FREM2: variants seen among roughly 807,000 people sequenced by gnomAD.
The protein encoded by FREM2 is FRAS1-related extracellular matrix protein 2.
A neutral mutation model predicts 219.9 loss-of-function variants in FREM2; 119 were observed. That is an observed-to-expected ratio of 0.54 (90% CI 0.47 to 0.63). The LOEUF (loss-of-function observed/expected upper bound fraction) is 0.63, where lower values mean the gene tolerates loss of function less well. FREM2 is among the 30% of genes least tolerant of loss of function. The pLI, the probability that FREM2 is intolerant of heterozygous loss-of-function variation, is 0.00. For missense variants in FREM2, 4,030 were observed against 3,993.6 expected, an observed-to-expected ratio of 1.01 and a Z score of -0.25; for synonymous variants, 1,562 against 1,522.8, an observed-to-expected ratio of 1.03 and a Z score of -0.60.
At chr13:38,814,173 T>C (rs769978074) in intron 6 of FREM2, among the ~76,000 whole-genome samples, 23 of 152,206 alleles carry the variant, frequency 1.5e-4, no homozygotes, top group Non-Finnish European at 3.2e-4. Flanking sequence ...TACATCTCTG[T>C]TTCTCCAGGA....
intron 2 of FREM2, among the ~76,000 whole-genome samples, chr13:38,731,573 T>A (rs926756862): frequency 1.3e-5 from 2 of 152,114 alleles, no homozygotes; most frequent in Admixed American, 6.6e-5. Flanking sequence ...CTGGGACAGC[T>A]CTAGAAAAGT....
At chr13:38,834,036 T>C (rs1876614069) in intron 6 of FREM2, among the ~76,000 whole-genome samples, 1 of 152,186 alleles carries the variant, frequency 6.6e-6, no homozygotes, top group South Asian at 2.1e-4. Context: ...TTTTAAATTA[T>C]ACTTTAAGTT....
intron 21 of FREM2, 29 bp downstream of exon 21, chr13:38,877,272 CTGTT>C: frequency 6.2e-7 from 1 of 1,611,360 alleles, no homozygotes; most frequent in Non-Finnish European, 8.5e-7. Flanking sequence ...GAGGGATGCT[CTGTT>C]TGTCATGTAT....
chr13:38,856,045 TAAAAA>T (rs34182165), intron 11 of FREM2, 76 bp from the exon 12 acceptor site: 1,722 of 599,336 alleles, frequency 2.9e-3, no homozygotes, highest in Admixed American at 4.4e-3. Context: ...TAGGCCACAG[TAAAAA>T]AAAAAAAAAA....
Position 38,688,796 on chromosome 13 carries a change from G to A in FREM2, c.1452G>A (p.Val484=). The A allele has an allele frequency of 6.2e-7, 1 of 1,614,048 alleles. No individual in the cohort carries two copies. ...TAGAAGCAGTGCGGCTAGAGGTGGT[G>A]GCTGGGCTCCGGCATGGTCACCTTG... ...DDLEAVRLEV[V]AGLRHGHLVI... Residue 484 remains valine (V), a synonymous_variant, in exon 1 of 24, where the codon GTG becomes GTA. Coordinates refer to ENST00000280481, the MANE Select transcript of FREM2 (RefSeq NM_207361.6).
chr13:38,884,823 A>C lies in FREM2; in HGVS notation c.*4036A>C, dbSNP rs1269581352. On this transcript the variant is annotated 3_prime_UTR_variant, in exon 24 of 24. Coordinates refer to ENST00000280481, the MANE Select transcript of FREM2 (RefSeq NM_207361.6). ...ACCAAACATCTCATTTCTAGGAAAGAGATAACACTAAAGGCATCATAGGTT... is the reference window on the plus strand; with the variant it reads ...ACCAAACATCTCATTTCTAGGAAAGCGATAACACTAAAGGCATCATAGGTT... 1 of 152,208 alleles carries C rather than the reference A, an allele frequency of 6.6e-6. No individual in the cohort carries two copies. The highest frequency in any genetic ancestry group is 1.5e-5 in the Non-Finnish European group (1 of 68,028). The allele number at this position is 152,208 out of a possible 1,614,324, so 9.4% of individuals were successfully genotyped here.
rs1235700998 is a variant in FREM2 at position 38,886,785 on chromosome 13, A to T, written c.*5998A>T. 6.6e-6 allele frequency: 1 copy of T among 152,176 alleles called. No homozygotes were observed. Among genetic ancestry groups the T allele is most frequent in the Non-Finnish European group, 1.5e-5 (1 of 68,034 alleles). 9.4% of individuals were successfully genotyped at this position (152,176 alleles called of 1,614,324 possible). A position where few individuals can be genotyped will look rare whatever the true frequency, so the allele number is the denominator to read the frequency against. On this transcript the variant is annotated 3_prime_UTR_variant, in exon 24 of 24. Transcript: ENST00000280481. ...TGTATTACGTGCCTGCTTCCTTACC[A>T]AGTGCCCTCCATAACACTAAGTAAA... is the stretch of plus-strand genomic sequence containing the variant.
intron 6 of FREM2, among the ~76,000 whole-genome samples, chr13:38,841,733 C>G (rs1487271996): frequency 6.6e-6 from 1 of 152,066 alleles, no homozygotes; most frequent in Non-Finnish European, 1.5e-5. Flanking sequence ...TAAGAGTGTC[C>G]TCTTCTGACT....
intron 16 of FREM2, among the ~76,000 whole-genome samples, chr13:38,865,096 T>C (rs1174738716): frequency 6.6e-6 from 1 of 152,218 alleles, no homozygotes; most frequent in Non-Finnish European, 1.5e-5. Context: ...GCCTCCTGTT[T>C]TACTCTCCTT....
chr13:38,726,444 C>T (rs957510811), intron 2 of FREM2, among the ~76,000 whole-genome samples: 9 of 152,120 alleles, frequency 5.9e-5, no homozygotes, highest in African/African-American at 1.4e-4. Context: ...AAGAGCAGTT[C>T]CCCTTGAGTC....
At chr13:38,709,001 C>G (rs1456345229) in intron 2 of FREM2, among the ~76,000 whole-genome samples, 1 of 152,124 alleles carries the variant, frequency 6.6e-6, no homozygotes, top group Non-Finnish European at 1.5e-5. Context: ...CTCAGGTGAT[C>G]CACCTGCGTT....
chr13:38,812,258 A>G (rs987120141), intron 6 of FREM2, among the ~76,000 whole-genome samples: 3 of 151,928 alleles, frequency 2.0e-5, no homozygotes, highest in African/African-American at 7.3e-5. Context: ...CAGCCAGTCT[A>G]TGTCTTTTTA....
intron 2 of FREM2, among the ~76,000 whole-genome samples, chr13:38,722,332 T>C (rs1401115299): frequency 2.6e-5 from 4 of 152,064 alleles, no homozygotes; most frequent in African/African-American, 9.7e-5. Context: ...AGTGCTGGGA[T>C]TATAGGCATG....
chr13:38,760,750 T>C (rs1873195180), intron 2 of FREM2, among the ~76,000 whole-genome samples: 1 of 152,148 alleles, frequency 6.6e-6, no homozygotes, highest in African/African-American at 2.4e-5. Flanking sequence ...ATTGATGCAA[T>C]AGATGTTTTT....
intron 2 of FREM2, among the ~76,000 whole-genome samples, chr13:38,728,601 T>C (rs1262868027): frequency 6.6e-6 from 1 of 151,972 alleles, no homozygotes; most frequent in Non-Finnish European, 1.5e-5. Flanking sequence ...TTTGTAGAGA[T>C]GGTGTTTCAC....
chr13:38,824,149 A>G (rs1876179409), intron 6 of FREM2, among the ~76,000 whole-genome samples: 1 of 151,944 alleles, frequency 6.6e-6, no homozygotes, highest in African/African-American at 2.4e-5. Flanking sequence ...TGGGAAAGAT[A>G]TGTTATGATG....
chr13:38,872,483 A>G (rs1201811195), intron 16 of FREM2, among the ~76,000 whole-genome samples: 1 of 152,216 alleles, frequency 6.6e-6, no homozygotes, highest in Non-Finnish European at 1.5e-5. Context: ...TTTTGTAAGT[A>G]TAGTATGCTC....
chr13:38,837,765 G>GTTTTTTTTTTT (rs151057502), intron 6 of FREM2, among the ~76,000 whole-genome samples: 2 of 140,448 alleles, frequency 1.4e-5, no homozygotes, highest in African/African-American at 2.6e-5. Context: ...GCAACCCCTG[G>GTTTTTTTTTTT]TTTTTTTTTG....
intron 2 of FREM2, among the ~76,000 whole-genome samples, chr13:38,743,419 C>A (rs754570346): frequency 3.2e-4 from 49 of 151,804 alleles, no homozygotes; most frequent in Non-Finnish European, 6.3e-4. Context: ...ATTTCAGGCC[C>A]CCAGCAGATT....
Sources: gnomAD v4.1 joint callset for allele counts (sites outside exome capture counted in the v4.1 genomes callset) on GRCh38, gnomAD v4.1.1 for gene constraint, MANE v1.5 for transcripts, NCBI Gene and HGNC (gene_info 2026-07-23, HGNC 2026-07-21) for gene names.